DYNC2H1: variants seen among roughly 807,000 people sequenced by gnomAD.
DYNC2H1 encodes dynein cytoplasmic 2 heavy chain 1.
A neutral mutation model predicts 570.0 loss-of-function variants in DYNC2H1; 410 were observed. That is an observed-to-expected ratio of 0.72 (90% CI 0.66 to 0.78). The LOEUF (loss-of-function observed/expected upper bound fraction) is 0.78, where lower values mean the gene tolerates loss of function less well. Ranked by LOEUF, DYNC2H1 falls within the 30% of genes least tolerant of loss-of-function variation. The pLI is 0.00. For synonymous variants in DYNC2H1, 1,688 were observed against 1,677.6 expected, an observed-to-expected ratio of 1.01 and a Z score of -0.15; for missense variants, 4,865 against 5,046.4, an observed-to-expected ratio of 0.96 and a Z score of 1.09.
Position 103,465,224 on chromosome 11 carries a change from A to T in DYNC2H1, c.12649-3365A>T, listed in dbSNP as rs1468088508. On this transcript the variant is annotated intron_variant, in intron 87 of 88. Transcript: ENST00000375735. This position sits in a 1 kb window ranked among gnomAD's most constrained non-coding sequence, Gnocchi z 4.9. Reference sequence around the variant, plus strand: ...ATATTAATCCTACCAATTAAGAGAGATTATCAGACTGGGGAAAAAATAAAA... The same window carrying T: ...ATATTAATCCTACCAATTAAGAGAGTTTATCAGACTGGGGAAAAAATAAAA... Among the ~76,000 whole-genome samples the T allele has an allele frequency of 1.3e-5, 2 of 152,210 alleles. No individual in the cohort carries two copies. Among genetic ancestry groups the T allele is most frequent in the East Asian group, 1.9e-4 (1 of 5,202 alleles).
At chr11:103,127,094 T>C (rs1565321521) in intron 12 of DYNC2H1, among the ~76,000 whole-genome samples, 1 of 152,184 alleles carries the variant, frequency 6.6e-6, no homozygotes. Flanking sequence ...GGTAAGTCTT[T>C]TCAGAGGAAT....
At position 103,116,778 on chromosome 11, in the gene DYNC2H1, C is replaced by A. The variant is rs527468704; in HGVS notation, c.766+64C>A. 7.7e-6 allele frequency: 11 copies of A among 1,421,648 alleles called. No individual in the cohort carries two copies. The African/African-American group carries it at 1.6e-4, about 20-fold the overall frequency. The allele number at this position is 1,421,648 out of a possible 1,614,324, so 88.1% of individuals were successfully genotyped here. ...CTGTCTTATTTTGTTATCTTTTTAT[C>A]CTTTAAGTCCTTACTTAAAATGCTC... On this transcript the variant is annotated intron_variant, in intron 5 of 88. Coordinates refer to ENST00000375735, the MANE Select transcript of DYNC2H1 (RefSeq NM_001377.3).
At chr11:103,394,132 G>A (rs1002732272) in intron 83 of DYNC2H1, among the ~76,000 whole-genome samples, 8 of 152,030 alleles carry the variant, frequency 5.3e-5, no homozygotes, top group African/African-American at 1.9e-4. Flanking sequence ...CAACACTTCT[G>A]ATTTAAACAA....
chr11:103,253,213 T>C (rs555915169), intron 65 of DYNC2H1, 72 bp from the exon 66 acceptor site: 1 of 1,444,492 alleles, frequency 6.9e-7, no homozygotes, highest in Admixed American at 2.2e-5. Context: ...TACTTAAAAA[T>C]TATATTTTCA....
chr11:103,462,015 A>G (rs1197879909), intron 87 of DYNC2H1, among the ~76,000 whole-genome samples: 3 of 152,204 alleles, frequency 2.0e-5, no homozygotes, highest in Non-Finnish European at 4.4e-5. Context: ...GTCCAAAACA[A>G]TATTGACCAG....
chr11:103,347,718 ACCCACC>A (rs1393783619), intron 82 of DYNC2H1, among the ~76,000 whole-genome samples: 5 of 152,152 alleles, frequency 3.3e-5, no homozygotes, highest in Non-Finnish European at 7.4e-5. Flanking sequence ...TGACCTTGTC[ACCCACC>A]TTTTAGTACT....
At chr11:103,281,193 A>G (rs1310499612) in intron 71 of DYNC2H1, among the ~76,000 whole-genome samples, 1 of 152,182 alleles carries the variant, frequency 6.6e-6, no homozygotes, top group African/African-American at 2.4e-5. Flanking sequence ...GACCATTCAC[A>G]GTTCATATGT....
At chr11:103,407,638 G>GAAA (rs1942915940) in intron 84 of DYNC2H1, 1 of 151,926 alleles carries the variant, frequency 6.6e-6, no homozygotes, top group African/African-American at 2.4e-5. Context: ...GAGTACTGGT[G>GAAA]AATGTATGGT....
intron 53 of DYNC2H1, among the ~76,000 whole-genome samples, chr11:103,210,590 G>T (rs1863117426): frequency 6.6e-6 from 1 of 151,988 alleles, no homozygotes; most frequent in Non-Finnish European, 1.5e-5. Context: ...TTCTGATATA[G>T]CAAGATAAGT....
rs759649136 is a variant in DYNC2H1, at chr11:103,286,279, AC to A, written c.10918del (p.Leu3640SerfsTer38). ...LKIALPSLYQ[T>X]LCFEDAALWR... Reference sequence around the variant, plus strand: ...GATTGCTCTCCCCAGTCTTTATCAGACCCTCTGCTTTGAAGATGCAGCTCTG... The same window carrying A: ...GATTGCTCTCCCCAGTCTTTATCAGACCTCTGCTTTGAAGATGCAGCTCTG... On this transcript the variant is annotated frameshift_variant, in exon 74 of 89. Transcript: ENST00000375735. LOFTEE classifies it high-confidence loss of function. 6 of 1,613,582 alleles carry A rather than the reference AC, an allele frequency of 3.7e-6. No individual in the cohort carries two copies. In the African/African-American group the frequency reaches 4.0e-5, roughly 11 times the overall value.
rs1004753201 is a variant in DYNC2H1 at position 103,117,732 on chromosome 11, A to G, written c.868A>G (p.Ile290Val). 2.9e-5 allele frequency: 47 copies of G among 1,613,154 alleles called. No homozygotes were observed. The highest frequency in any genetic ancestry group is 3.7e-5 in the Non-Finnish European group (44 of 1,179,410). Residue 290 changes from isoleucine to valine, a missense_variant, in exon 6 of 89, where the codon ATT becomes GTT. Transcript: ENST00000375735. ...VKESLKAGIS[I>V]CEQWVIVCNH... ...AGAAAGTCTGAAAGCTGGTATTTCAATTTGTGAACAGTGGGTGATAGTCTG... is the reference window on the plus strand; with the variant it reads ...AGAAAGTCTGAAAGCTGGTATTTCAGTTTGTGAACAGTGGGTGATAGTCTG...
In DYNC2H1 at chr11:103,186,333, T is replaced by A. The variant is rs199920107; in HGVS notation, c.6725T>A (p.Val2242Glu). Residue 2242 changes from valine (V) to glutamate (E), a missense_variant, in exon 42 of 89, where the codon GTG (valine) becomes GAG (glutamate). This residue lies in a region of DYNC2H1 where 2,401 missense variants were observed against 2,454.6 expected (regional missense o/e 0.98). Coordinates refer to ENST00000375735, the MANE Select transcript of DYNC2H1 (RefSeq NM_001377.3). This position sits in a 1 kb window ranked among gnomAD's most constrained non-coding sequence, Gnocchi z 4.5. ...ACTAGGGGTCGATTAGCAACATATG[T>A]GCTTAAGAAGCCAGAAGACTTGACT... ...DSTRGRLATY[V>E]LKKPEDLTAD... The A allele has an allele frequency of 6.2e-7, 1 of 1,612,816 alleles. No individual in the cohort carries two copies. Among genetic ancestry groups the A allele is most frequent in the Non-Finnish European group, 8.5e-7 (1 of 1,179,220 alleles).
At chr11:103,285,307 G>A (rs1866300295) in intron 73 of DYNC2H1, among the ~76,000 whole-genome samples, 1 of 152,144 alleles carries the variant, frequency 6.6e-6, no homozygotes, top group African/African-American at 2.4e-5. Flanking sequence ...AAGTGGAAAT[G>A]TCAGTGGCAA....
chr11:103,207,810 C>A (rs1862999366), intron 52 of DYNC2H1, among the ~76,000 whole-genome samples: 1 of 152,022 alleles, frequency 6.6e-6, no homozygotes. Context: ...TAGATTTGAT[C>A]AGAATTGGGA....
intron 87 of DYNC2H1, among the ~76,000 whole-genome samples, chr11:103,457,054 T>C (rs2135811221): frequency 6.6e-6 from 1 of 152,288 alleles, no homozygotes; most frequent in South Asian, 2.1e-4. Context: ...TCCATAAAAT[T>C]ATAATGAAGC....
chr11:103,117,399 G>A (rs1293108560), intron 5 of DYNC2H1, among the ~76,000 whole-genome samples: 1 of 151,358 alleles, frequency 6.6e-6, no homozygotes, highest in African/African-American at 2.4e-5. Context: ...CTTAAAAGGT[G>A]TAATGGTATA....
Position 103,259,941 on chromosome 11 carries a change from T to A in DYNC2H1, c.10659T>A (p.His3553Gln). ...RIQSLISSLQ[H>Q]MVYEYICRCL... is the part of the protein sequence containing the mutation. ...AGTCACTTATCAGCTCATTACAACA[T>A]ATGGTATATGAATATATATGTCGTT... Residue 3553 changes from histidine (H) to glutamine (Q), a missense_variant, in exon 70 of 89, where the codon CAT (histidine) becomes CAA (glutamine). Around this residue, in one of 5 missense-constraint regions of DYNC2H1, gnomAD observed 2,401 missense variants for 2,454.6 expected, o/e 0.98. Transcript: ENST00000375735. 1 of 1,549,396 alleles carries A rather than the reference T, an allele frequency of 6.5e-7. No homozygotes were observed. The highest frequency in any genetic ancestry group is 8.7e-7 in the Non-Finnish European group (1 of 1,145,820).
intron 83 of DYNC2H1, among the ~76,000 whole-genome samples, chr11:103,373,602 T>C (rs1941268894): frequency 1.3e-5 from 2 of 152,222 alleles, no homozygotes; most frequent in African/African-American, 4.8e-5. Flanking sequence ...AAAACTTATT[T>C]TGTGGCCTAA....
intron 85 of DYNC2H1, among the ~76,000 whole-genome samples, chr11:103,448,231 G>A (rs542937): frequency 0.28 from 43,076 of 151,948 alleles, 7,093 homozygotes; most frequent in African/African-American, 0.45. Flanking sequence ...ATTATCTACA[G>A]TGCTTTTTAC....
Sources: allele counts gnomAD v4.1 joint callset (sites outside exome capture counted in the v4.1 genomes callset), GRCh38; gene constraint gnomAD v4.1.1; regional missense constraint gnomAD v4.1.1; non-coding constraint Gnocchi (gnomAD v3.1); transcripts MANE v1.5; gene names NCBI Gene and HGNC (gene_info 2026-07-23, HGNC 2026-07-21).